ARNT2: variants seen among roughly 807,000 people sequenced by gnomAD.
ARNT2 encodes the protein ARNT protein 2.
Under a neutral mutation model 91.7 loss-of-function variants are expected in ARNT2, and 36 were observed. The observed-to-expected ratio is 0.39, with a 90% CI of 0.30 to 0.52. The LOEUF (loss-of-function observed/expected upper bound fraction) is 0.52, where lower values mean the gene tolerates loss of function less well. ARNT2 is among the 20% of genes least tolerant of loss of function. The pLI is 0.72. For synonymous variants in ARNT2, 365 were observed against 347.1 expected (o/e 1.05, Z -0.57); for missense variants, 775 against 939.3 (o/e 0.83, Z 2.29).
chr15:80,443,448 A>C (rs1402846532), intron 1 of ARNT2, among the ~76,000 whole-genome samples: 1 of 152,104 alleles, frequency 6.6e-6, no homozygotes, highest in African/African-American at 2.4e-5. Context: ...GGAATGCAGG[A>C]AGGTCAGGGG....
At chr15:80,486,503 T>C (rs1050712497) in intron 5 of ARNT2, among the ~76,000 whole-genome samples, 1 of 152,226 alleles carries the variant, frequency 6.6e-6, no homozygotes, top group African/African-American at 2.4e-5. Context: ...GGTGGCCTCG[T>C]TGGTGCCTCT....
intron 1 of ARNT2, chr15:80,441,492 C>A: frequency 1.5e-6 from 1 of 677,438 alleles, no homozygotes; most frequent in Non-Finnish European, 1.8e-6. Flanking sequence ...CCCTCCCAGC[C>A]ATGGAAAGAG....
intron 5 of ARNT2, among the ~76,000 whole-genome samples, chr15:80,480,752 C>A (rs1039406710): frequency 4.6e-5 from 7 of 152,022 alleles, no homozygotes; most frequent in African/African-American, 1.7e-4. Context: ...CCCTTCCTCT[C>A]CCCATCCTTC....
At chr15:80,568,338 T>G (rs1040135180) in intron 12 of ARNT2, among the ~76,000 whole-genome samples, 1 of 152,210 alleles carries the variant, frequency 6.6e-6, no homozygotes. Context: ...AGGGGAGTGA[T>G]CTGAAGTTAT....
At chr15:80,440,228 A>G (rs1355795429) in intron 1 of ARNT2, among the ~76,000 whole-genome samples, 1 of 152,208 alleles carries the variant, frequency 6.6e-6, no homozygotes, top group Admixed American at 6.5e-5. Flanking sequence ...TGACTCAAGC[A>G]TGAGACAAGT....
In ARNT2 at chr15:80,591,363, G is replaced by C. The variant is rs1893277156; in HGVS notation, c.1919-205G>C. Reference sequence around the variant, plus strand: ...TCTCTGGCCAAGTACCTGCACCATTGGGCAAAGGGCTCCTGTGTCTCTTAT... The same window carrying C: ...TCTCTGGCCAAGTACCTGCACCATTCGGCAAAGGGCTCCTGTGTCTCTTAT... On this transcript the variant is annotated intron_variant, in intron 17 of 18. Coordinates refer to ENST00000303329, the MANE Select transcript of ARNT2 (RefSeq NM_014862.4). This position sits in a 1 kb window ranked among gnomAD's most constrained non-coding sequence, Gnocchi z 5.1. Among the ~76,000 whole-genome samples the C allele has an allele frequency of 6.6e-6, 1 of 152,180 alleles. No homozygotes were observed. The highest frequency in any genetic ancestry group is 2.1e-4 in the South Asian group (1 of 4,828).
chr15:80,558,370 T>C (rs1898242175), intron 11 of ARNT2, among the ~76,000 whole-genome samples: 1 of 141,982 alleles, frequency 7.0e-6, no homozygotes, highest in South Asian at 2.3e-4. Context: ...GGGGTCTTAC[T>C]CTGTTGCCCA....
At chr15:80,518,023 C>T (rs1388517605) in intron 8 of ARNT2, among the ~76,000 whole-genome samples, 1 of 152,008 alleles carries the variant, frequency 6.6e-6, no homozygotes, top group African/African-American at 2.4e-5. Flanking sequence ...TCTCTTCAAA[C>T]TATGTTTTTT....
At chr15:80,564,960 C>T (rs116063098) in intron 12 of ARNT2, among the ~76,000 whole-genome samples, 4,614 of 151,204 alleles carry the variant, frequency 0.031, 209 homozygotes, top group African/African-American at 0.11. Context: ...AATCTCACTC[C>T]GTCACCTAGG....
intron 3 of ARNT2, among the ~76,000 whole-genome samples, chr15:80,459,056 C>T (rs1318446257): frequency 3.3e-5 from 5 of 152,200 alleles, no homozygotes; most frequent in Non-Finnish European, 7.3e-5. Flanking sequence ...GTGAGTTCCA[C>T]ACACTTTTCC....
intron 3 of ARNT2, among the ~76,000 whole-genome samples, chr15:80,463,389 T>C (rs1227651914): frequency 6.6e-6 from 1 of 152,146 alleles, no homozygotes; most frequent in Non-Finnish European, 1.5e-5. Context: ...CAGTCTCAGT[T>C]CATATGAACC....
chr15:80,584,166 G>A (rs548294425), intron 17 of ARNT2, among the ~76,000 whole-genome samples: 11 of 152,330 alleles, frequency 7.2e-5, no homozygotes, highest in African/African-American at 2.6e-4. Flanking sequence ...GAGACCTCGA[G>A]GCGAGGGGTT....
At chr15:80,450,582 G>A (rs369653135) in intron 1 of ARNT2, among the ~76,000 whole-genome samples, 1 of 152,236 alleles carries the variant, frequency 6.6e-6, no homozygotes, top group Non-Finnish European at 1.5e-5. Context: ...AGGTGGTCAG[G>A]AGACAGGAGT....
intron 18 of ARNT2, among the ~76,000 whole-genome samples, chr15:80,592,446 C>G (rs1441601414): frequency 6.6e-6 from 1 of 152,246 alleles, no homozygotes; most frequent in Non-Finnish European, 1.5e-5. Flanking sequence ...CAGGCACGTC[C>G]TGCATGCCCC....
At position 80,404,956 on chromosome 15, in the gene ARNT2, G is replaced by C. The variant is rs1895576800; in HGVS notation, c.31+410G>C. 6.6e-6 allele frequency among the ~76,000 whole-genome samples: 1 copy of C among 152,198 alleles called. No individual in the cohort carries two copies. The highest frequency in any genetic ancestry group is 1.5e-5 in the Non-Finnish European group (1 of 68,040). On this transcript the variant is annotated intron_variant, in intron 1 of 18. Coordinates refer to ENST00000303329, the MANE Select transcript of ARNT2 (RefSeq NM_014862.4). This position sits in a 1 kb window ranked among gnomAD's most constrained non-coding sequence, Gnocchi z 5.5. ...GGTGGAGGGCTCCGCGCTGACGGAG[G>C]GAAAAGTTTGGAGCTGGGATTCAAC... is the stretch of plus-strand genomic sequence containing the variant.
chr15:80,540,660 TCTAGTAATC>T (rs1314929304), intron 8 of ARNT2, among the ~76,000 whole-genome samples: 6 of 152,058 alleles, frequency 3.9e-5, no homozygotes, highest in African/African-American at 1.4e-4. Context: ...CCTTCCCCCA[TCTAGTAATC>T]CCAGTGTCTA....
rs1897297610 is a variant in ARNT2 at position 80,508,054 on chromosome 15, C to A, written c.623-102C>A. 3 of 1,084,294 alleles carry A rather than the reference C, an allele frequency of 2.8e-6. No individual in the cohort carries two copies. In the South Asian group the frequency reaches 4.2e-5, roughly 15 times the overall value. The allele number at this position is 1,084,294 out of a possible 1,614,324, so 67.2% of individuals were successfully genotyped here. A position where few individuals can be genotyped will look rare whatever the true frequency, so the allele number is the denominator to read the frequency against. ...AAACAATTTGCACAGCCACACTTGT[C>A]CTCATTTGGCAGAGCATTTGGAGAA... is the stretch of plus-strand genomic sequence containing the variant. On this transcript the variant is annotated intron_variant, in intron 5 of 18. Coordinates refer to ENST00000303329, the MANE Select transcript of ARNT2 (RefSeq NM_014862.4).
intron 4 of ARNT2, among the ~76,000 whole-genome samples, chr15:80,473,303 C>T (rs192031269): frequency 3.9e-5 from 6 of 152,206 alleles, no homozygotes; most frequent in Non-Finnish European, 7.4e-5. Flanking sequence ...GATGGTCTCC[C>T]AGGGAATACA....
At chr15:80,511,011 C>T (rs139361897) in intron 6 of ARNT2, among the ~76,000 whole-genome samples, 454 of 152,190 alleles carry the variant, frequency 3.0e-3, no homozygotes, top group Non-Finnish European at 5.2e-3. Flanking sequence ...TTTGACCCAG[C>T]AATCCCATTC....
Sources: allele counts gnomAD v4.1 joint callset (sites outside exome capture counted in the v4.1 genomes callset), GRCh38; gene constraint gnomAD v4.1.1; non-coding constraint Gnocchi (gnomAD v3.1); transcripts MANE v1.5; gene names NCBI Gene and HGNC (gene_info 2026-07-23, HGNC 2026-07-21).